SOS2: variants seen among roughly 807,000 people sequenced by gnomAD.
SOS2 encodes the protein son of sevenless homolog 2.
SOS2 carries 65 observed loss-of-function variants against 148.2 expected under a neutral mutation model. The observed-to-expected ratio is 0.44, with a 90% confidence interval of 0.36 to 0.54. The LOEUF (loss-of-function observed/expected upper bound fraction) is 0.54, where lower values mean the gene tolerates loss of function less well. SOS2 is among the 20% of genes least tolerant of loss of function. The pLI is 0.00. For synonymous variants in SOS2, 539 were observed against 537.1 expected (o/e 1.00, Z -0.05); for missense variants, 1,341 against 1,590.2 (o/e 0.84, Z 2.67).
At chr14:50,119,946 G>C (rs984882135) in intron 22 of SOS2, among the ~76,000 whole-genome samples, 5 of 151,336 alleles carry the variant, frequency 3.3e-5, no homozygotes, top group Non-Finnish European at 7.4e-5. Flanking sequence ...CCAGTAGCTG[G>C]AATCACAGGC....
At chr14:50,121,260 T>C (rs893879451) in intron 21 of SOS2, among the ~76,000 whole-genome samples, 2 of 152,188 alleles carry the variant, frequency 1.3e-5, no homozygotes, top group Non-Finnish European at 2.9e-5. Context: ...ATATAATAAT[T>C]ACTATCTTCA....
chr14:50,157,781 G>A (rs1032338020), intron 11 of SOS2, among the ~76,000 whole-genome samples: 3 of 152,068 alleles, frequency 2.0e-5, no homozygotes, highest in Non-Finnish European at 4.4e-5. Context: ...ATAAGTTTTA[G>A]TAAGTTTTAA....
At chr14:50,171,564 G>C (rs1885363572) in intron 8 of SOS2, among the ~76,000 whole-genome samples, 1 of 150,958 alleles carries the variant, frequency 6.6e-6, no homozygotes, top group Non-Finnish European at 1.5e-5. Flanking sequence ...TGCACCTGTA[G>C]TCCCAGCTAC....
chr14:50,174,318 T>C (rs945789588), intron 8 of SOS2, 136 bp downstream of exon 8: 4 of 404,544 alleles, frequency 9.9e-6, no homozygotes, highest in Non-Finnish European at 1.7e-5. Flanking sequence ...TTTAGAGCAA[T>C]GTTACATATA....
intron 5 of SOS2, among the ~76,000 whole-genome samples, chr14:50,184,731 T>C (rs1885852583): frequency 6.6e-6 from 1 of 151,510 alleles, no homozygotes. Context: ...GGTGGGGTGG[T>C]ATGTGCCTGT....
intron 7 of SOS2, among the ~76,000 whole-genome samples, chr14:50,179,196 G>A (rs1297201913): frequency 1.3e-5 from 2 of 151,874 alleles, no homozygotes; most frequent in Non-Finnish European, 2.9e-5. Flanking sequence ...CATAAAGAAT[G>A]GTAAAAAATA....
intron 5 of SOS2, among the ~76,000 whole-genome samples, chr14:50,186,200 T>A (rs118069526): frequency 0.021 from 3,142 of 152,136 alleles, 66 homozygotes; most frequent in Non-Finnish European, 0.026. Flanking sequence ...CTAAAAAAAA[T>A]TATAGTAGAT....
intron 8 of SOS2, among the ~76,000 whole-genome samples, chr14:50,171,975 A>G (rs1212847157): frequency 1.3e-5 from 2 of 152,048 alleles, no homozygotes; most frequent in African/African-American, 4.8e-5. Context: ...TCTTTAGAGT[A>G]TATATTCAAG....
In SOS2 at chr14:50,227,243, C is replaced by CTTTTTTTTTTTTTTTTTT. The variant is rs374477701; in HGVS notation, c.87+3953_87+3954insAAAAAAAAAAAAAAAAAA. Among the ~76,000 whole-genome samples the CTTTTTTTTTTTTTTTTTT allele has an allele frequency of 1.2e-4, 13 of 112,650 alleles. 1 individual carries two copies. Among genetic ancestry groups the CTTTTTTTTTTTTTTTTTT allele is most frequent in the African/African-American group, 2.4e-4 (7 of 28,614 alleles). 73.9% of individuals were successfully genotyped at this position (112,650 alleles called of 152,430 possible). A position where few individuals can be genotyped will look rare whatever the true frequency, so the allele number is the denominator to read the frequency against. On this transcript the variant is annotated intron_variant, in intron 1 of 22. Transcript: ENST00000216373. ...TCTCTGTGTTTCTTTTTCTTTCTTT[C>CTTTTTTTTTTTTTTTTTT]TTTCTTTTTTTTTTTTTTTGAGACA...
intron 5 of SOS2, among the ~76,000 whole-genome samples, chr14:50,187,609 A>G (rs1885959152): frequency 6.6e-6 from 1 of 152,126 alleles, no homozygotes; most frequent in Non-Finnish European, 1.5e-5. Context: ...TTGGCCTCCC[A>G]AAGTGCTGGG....
chr14:50,154,698 T>C lies in SOS2; in HGVS notation c.2058-1525A>G, dbSNP rs148806100. On this transcript the variant is annotated intron_variant, in intron 12 of 22. Coordinates refer to ENST00000216373, the MANE Select transcript of SOS2 (RefSeq NM_006939.4). ...ATGTTGAGTGAAAGAAGACACAAAA[T>C]TGAGTTTTTAAGAATGCATTTATTA... is the stretch of plus-strand genomic sequence containing the variant. 2.8e-3 allele frequency among the ~76,000 whole-genome samples: 427 copies of C among 152,270 alleles called. 3 individuals carry two copies. The highest frequency in any genetic ancestry group is 9.9e-3 in the African/African-American group (413 of 41,552).
chr14:50,159,058 C>T (rs114385541), intron 10 of SOS2, among the ~76,000 whole-genome samples: 3,707 of 151,954 alleles, frequency 0.024, 164 homozygotes, highest in African/African-American at 0.084. Flanking sequence ...GGCATTGTTG[C>T]GGGCGCCTAT....
chr14:50,182,684 T>G, intron 5 of SOS2, 78 bp from the exon 6 acceptor site: 1 of 1,192,374 alleles, frequency 8.4e-7, no homozygotes, highest in Non-Finnish European at 1.2e-6. Flanking sequence ...AAGAGCAATA[T>G]AGGCTACTCG....
intron 17 of SOS2, among the ~76,000 whole-genome samples, chr14:50,139,656 G>A (rs973565542): frequency 3.3e-5 from 5 of 152,150 alleles, no homozygotes; most frequent in Admixed American, 6.5e-5. Flanking sequence ...ATGTGACATA[G>A]ATAGTTATGA....
At chr14:50,152,164 G>A (rs1366062694) in intron 13 of SOS2, among the ~76,000 whole-genome samples, 3 of 152,094 alleles carry the variant, frequency 2.0e-5, no homozygotes, top group Non-Finnish European at 4.4e-5. Flanking sequence ...AGTAGAACAC[G>A]AAATAAGTTA....
At chr14:50,171,638 C>T (rs1309400190) in intron 8 of SOS2, among the ~76,000 whole-genome samples, 1 of 142,734 alleles carries the variant, frequency 7.0e-6, no homozygotes, top group African/African-American at 2.6e-5. Flanking sequence ...GAGCCGAGAT[C>T]ATGCCACCGC....
At chr14:50,165,002 C>T (rs1885124721) in intron 8 of SOS2, among the ~76,000 whole-genome samples, 1 of 152,056 alleles carries the variant, frequency 6.6e-6, no homozygotes, top group Admixed American at 6.6e-5. Context: ...CCACTCAGTT[C>T]CTTCCAGAGG....
chr14:50,221,683 A>T (rs190115898), intron 1 of SOS2, among the ~76,000 whole-genome samples: 65 of 152,280 alleles, frequency 4.3e-4, no homozygotes, highest in African/African-American at 1.4e-3. Context: ...TAAGATTTTT[A>T]AAAAATTAGC....
chr14:50,157,091 G>A lies in SOS2; in HGVS notation c.1965C>T (p.Asp655=), dbSNP rs763672521. 18 of 1,612,028 alleles carry A rather than the reference G, an allele frequency of 1.1e-5. No individual in the cohort carries two copies. The highest frequency in any genetic ancestry group is 6.6e-5 in the South Asian group (6 of 90,968). The change falls in exon 12 of 23, where the codon GAC becomes GAT. Residue 655 remains aspartate, a synonymous_variant. Coordinates refer to ENST00000216373, the MANE Select transcript of SOS2 (RefSeq NM_006939.4). The part of the protein sequence containing the change: ...RFEIPEPEPT[D]ADKLAIEKGE... ...CTTTCTCTATTGCCAATTTGTCTGC[G>A]TCAGTAGGTTCTGGCTCTGGAATTT...
Sources: allele counts gnomAD v4.1 joint callset (sites outside exome capture counted in the v4.1 genomes callset), GRCh38; gene constraint gnomAD v4.1.1; transcripts MANE v1.5; gene names NCBI Gene and HGNC (gene_info 2026-07-23, HGNC 2026-07-21).